Variants in SLC26A7 observed in about 807,000 individuals in gnomAD.
The protein encoded by SLC26A7 is solute carrier family 26 member 7.
SLC26A7 carries 59 observed loss-of-function variants against 82.5 expected under a neutral mutation model. The observed-to-expected ratio is 0.72, with a 90% CI of 0.58 to 0.89. The LOEUF is 0.89. SLC26A7 is among the 40% of genes least tolerant of loss of function. SLC26A7 has a pLI of 0.00. For missense variants in SLC26A7, 820 were observed against 793.0 expected (o/e 1.03, Z -0.41); for synonymous variants, 271 against 274.3 (o/e 0.99, Z 0.12).
At chr8:91,326,227 A>C (rs1812927379) in intron 5 of SLC26A7, among the ~76,000 whole-genome samples, 1 of 152,190 alleles carries the variant, frequency 6.6e-6, no homozygotes, top group Admixed American at 6.5e-5. Context: ...CTAAGAACAA[A>C]AGCTTGGAAT....
intron 2 of SLC26A7, among the ~76,000 whole-genome samples, chr8:91,274,389 A>C (rs912528165): frequency 6.6e-6 from 1 of 152,226 alleles, no homozygotes; most frequent in Non-Finnish European, 1.5e-5. Flanking sequence ...GGGAAGTCCA[A>C]GTCTGAACAG....
chr8:91,216,134 A>C (rs528749312), intron 1 of SLC26A7, among the ~76,000 whole-genome samples: 4 of 152,306 alleles, frequency 2.6e-5, no homozygotes, highest in Admixed American at 2.6e-4. Context: ...ATCACCTTCA[A>C]AGTTTCATGT....
intron 2 of SLC26A7, among the ~76,000 whole-genome samples, chr8:91,252,455 C>T (rs1810685250): frequency 6.6e-6 from 1 of 151,940 alleles, no homozygotes; most frequent in Admixed American, 6.6e-5. Flanking sequence ...GTGTTGACTA[C>T]AGTCTTTCTG....
At chr8:91,379,642 A>G (rs7818318) in intron 15 of SLC26A7, among the ~76,000 whole-genome samples, 26,112 of 151,968 alleles carry the variant, frequency 0.17, 2,744 homozygotes, top group African/African-American at 0.3. Flanking sequence ...TCCACACCAT[A>G]CCACACATAT....
chr8:91,358,059 G>A (rs549533414), intron 11 of SLC26A7, among the ~76,000 whole-genome samples: 6 of 152,164 alleles, frequency 3.9e-5, no homozygotes, highest in Non-Finnish European at 5.9e-5. Context: ...ACCACAATGA[G>A]ATATCATCTC....
chr8:91,378,266 T>C lies in SLC26A7; in HGVS notation c.1675+8433T>C, dbSNP rs193074966. ...ATTACCTAAACACTTGTTAGGATTATATAAGGTCATATGGTATATAATATT... is the reference window on the plus strand; with the variant it reads ...ATTACCTAAACACTTGTTAGGATTACATAAGGTCATATGGTATATAATATT... On this transcript the variant is annotated intron_variant, in intron 15 of 18. Coordinates refer to ENST00000276609, the MANE Select transcript of SLC26A7 (RefSeq NM_052832.4). Among the ~76,000 whole-genome samples the C allele has an allele frequency of 5.9e-4, 89 of 151,302 alleles. 1 individual carries two copies. Among genetic ancestry groups the C allele is most frequent in the Admixed American group, 4.9e-3 (74 of 15,124 alleles).
Position 91,282,992 on chromosome 8 carries a change from C to G in SLC26A7, c.194-6144C>G, listed in dbSNP as rs1811615392. On this transcript the variant is annotated intron_variant, in intron 2 of 18. Coordinates refer to ENST00000276609, the MANE Select transcript of SLC26A7 (RefSeq NM_052832.4). Reference sequence around the variant, plus strand: ...TTTGTAAGACTAACTGGGATCCAGTCAGTAATTCCCCCTTTATTGTTTAGT... The same window carrying G: ...TTTGTAAGACTAACTGGGATCCAGTGAGTAATTCCCCCTTTATTGTTTAGT... Among the ~76,000 whole-genome samples, 2 of 152,114 alleles carry G rather than the reference C, an allele frequency of 1.3e-5. 1 individual carries two copies. The highest frequency in any genetic ancestry group is 4.8e-5 in the African/African-American group (2 of 41,394).
chr8:91,218,039 C>T (rs897349389), intron 1 of SLC26A7, among the ~76,000 whole-genome samples: 1 of 152,114 alleles, frequency 6.6e-6, no homozygotes, highest in Non-Finnish European at 1.5e-5. Context: ...CCTGTCTGAA[C>T]CTTTCAATAG....
chr8:91,256,606 A>G (rs930689604), intron 2 of SLC26A7, among the ~76,000 whole-genome samples: 2 of 152,122 alleles, frequency 1.3e-5, no homozygotes, highest in African/African-American at 4.8e-5. Flanking sequence ...AATGAAGCCA[A>G]TCCAGCAAAA....
intron 3 of SLC26A7, among the ~76,000 whole-genome samples, chr8:91,291,595 G>A (rs1301641137): frequency 6.6e-6 from 1 of 152,020 alleles, no homozygotes; most frequent in Non-Finnish European, 1.5e-5. Flanking sequence ...TACCATAATT[G>A]CTTTAAGAAA....
At chr8:91,279,125 G>GTGTGTATATATATA (rs1382744780) in intron 2 of SLC26A7, among the ~76,000 whole-genome samples, 10 of 111,286 alleles carry the variant, frequency 9.0e-5, no homozygotes, top group African/African-American at 1.4e-4. Context: ...GTGTGTGTGT[G>GTGTGTATATATATA]TATATATATA....
chr8:91,382,296 G>C (rs1027352758), intron 15 of SLC26A7, among the ~76,000 whole-genome samples: 3 of 151,992 alleles, frequency 2.0e-5, no homozygotes, highest in Non-Finnish European at 4.4e-5. Flanking sequence ...CACCTAAAAG[G>C]CTTCCTTATC....
chr8:91,366,682 A>C lies in SLC26A7; in HGVS notation c.1591A>C (p.Asn531His). 2.5e-6 allele frequency: 4 copies of C among 1,613,176 alleles called. No individual in the cohort carries two copies. The highest frequency in any genetic ancestry group is 3.4e-6 in the Non-Finnish European group (4 of 1,179,754). Residue 531 changes from asparagine to histidine, a missense_variant, in exon 14 of 19, where the codon AAT (asparagine) becomes CAT (histidine). Physicochemically the swap from Asn to His is moderately conservative, Grantham distance 68 (BLOSUM62 1). Transcript: ENST00000276609. Reference sequence around the variant, plus strand: ...TTTAATGAACATGATCCAAAAGGAAAATGCCTGTAATCAGCCACTTGATGA... The same window carrying C: ...TTTAATGAACATGATCCAAAAGGAACATGCCTGTAATCAGCCACTTGATGA... ...TDLMNMIQKE[N>H]ACNQPLDDIS...
intron 15 of SLC26A7, among the ~76,000 whole-genome samples, chr8:91,371,142 A>G (rs971267684): frequency 6.6e-6 from 1 of 151,936 alleles, no homozygotes; most frequent in African/African-American, 2.4e-5. Context: ...AAATAGCATT[A>G]TACATTTTTC....
Position 91,351,831 on chromosome 8 carries a change from A to G in SLC26A7, c.1162A>G (p.Ile388Val), listed in dbSNP as rs1813724900. 6.2e-7 allele frequency: 1 copy of G among 1,612,078 alleles called. No homozygotes were observed. Among genetic ancestry groups the G allele is most frequent in the Non-Finnish European group, 8.5e-7 (1 of 1,178,812 alleles). ...KTQVACLISC[I>V]FVLIVIYAIG... ...ACAGGTGGCTTGTCTAATATCTTGCATTTTCGTCCTTATAGTCATCTATGC... is the reference window on the plus strand; with the variant it reads ...ACAGGTGGCTTGTCTAATATCTTGCGTTTTCGTCCTTATAGTCATCTATGC... The change falls in exon 10 of 19, where the codon ATT (isoleucine) becomes GTT (valine). Residue 388 changes from isoleucine (I) to valine (V), a missense_variant. By Grantham distance (29) the Ile-to-Val change is conservative. Transcript: ENST00000276609.
intron 2 of SLC26A7, among the ~76,000 whole-genome samples, chr8:91,274,983 T>G (rs770040936): frequency 1.3e-5 from 2 of 152,138 alleles, no homozygotes; most frequent in Admixed American, 6.5e-5. Flanking sequence ...ATCACTGATA[T>G]CAGTCATTGG....
intron 2 of SLC26A7, among the ~76,000 whole-genome samples, chr8:91,274,896 T>G (rs1259608434): frequency 6.6e-6 from 1 of 152,122 alleles, no homozygotes; most frequent in Non-Finnish European, 1.5e-5. Context: ...GTTAGACAAA[T>G]TCTAGACATC....
chr8:91,318,190 A>C, intron 4 of SLC26A7, 26 bp from the exon 5 acceptor site: 1 of 1,561,644 alleles, frequency 6.4e-7, no homozygotes, highest in Non-Finnish European at 8.7e-7. Context: ...TCTGAAGTTC[A>C]TCTCACTTCT....
At chr8:91,311,988 A>G (rs759355465) in intron 4 of SLC26A7, among the ~76,000 whole-genome samples, 1 of 152,054 alleles carries the variant, frequency 6.6e-6, no homozygotes, top group Admixed American at 6.6e-5. Context: ...TTTTCAGCTT[A>G]TTTCTTTTCC....
Sources: gnomAD v4.1 joint callset for allele counts (sites outside exome capture counted in the v4.1 genomes callset) on GRCh38, gnomAD v4.1.1 for gene constraint, MANE v1.5 for transcripts, NCBI Gene and HGNC (gene_info 2026-07-23, HGNC 2026-07-21) for gene names.